Variants in HYDIN observed in about 807,000 individuals in gnomAD.
HYDIN encodes HYDIN axonemal central pair apparatus protein, also known as axonemal central pair apparatus protein HYDIN.
In HYDIN, 132 loss-of-function variants were observed where a neutral mutation model predicts 403.9. That is an observed-to-expected ratio of 0.33 (90% CI 0.28 to 0.38). The LOEUF (loss-of-function observed/expected upper bound fraction) is 0.38. HYDIN is among the 10% of genes least tolerant of loss of function. The probability of loss-of-function intolerance (pLI) is 1.00; values close to 1 mark genes in which losing one functional copy is unlikely to be tolerated. For synonymous variants in HYDIN, 1,202 were observed against 1,891.7 expected (o/e 0.64, Z 9.46); for missense variants, 2,827 against 5,009.5 (o/e 0.56, Z 13.15).
chr16:71,129,809 A>G lies in HYDIN; in HGVS notation c.1058T>C (p.Leu353Pro). 1 of 1,609,990 alleles carries G rather than the reference A, an allele frequency of 6.2e-7. No homozygotes were observed. The highest frequency in any genetic ancestry group is 1.1e-5 in the South Asian group (1 of 90,334). ...DREKYRACDD[L>P]IKEEKDETDE... ...AGTCTCATCCTTCTCCTCTTTGATC[A>G]GATCATCACAGGCCCTAAAGAAAAC... The change falls in exon 9 of 86, where the codon CTG (leucine) becomes CCG (proline). Residue 353 changes from leucine (L) to proline (P), a missense_variant. Transcript: ENST00000393567.
intron 41 of HYDIN, among the ~76,000 whole-genome samples, chr16:70,944,314 AAG>A (rs2077780825): frequency 1.3e-5 from 2 of 152,230 alleles, no homozygotes; most frequent in Admixed American, 6.5e-5. Context: ...ATTCCAATGG[AAG>A]AGAGAGAAAA....
chr16:70,947,844 G>C (rs1337254332), intron 41 of HYDIN, among the ~76,000 whole-genome samples: 5 of 151,438 alleles, frequency 3.3e-5, no homozygotes, highest in Non-Finnish European at 7.4e-5. Context: ...ATGCTCATGG[G>C]TAGGAAGAAT....
chr16:71,058,922 T>G (rs961977524), intron 18 of HYDIN, among the ~76,000 whole-genome samples: 1 of 152,176 alleles, frequency 6.6e-6, no homozygotes, highest in Non-Finnish European at 1.5e-5. Context: ...TTACCTGCAC[T>G]TAATAACTAA....
intron 13 of HYDIN, among the ~76,000 whole-genome samples, chr16:71,077,299 C>T (rs1276177265): frequency 1.3e-5 from 2 of 151,162 alleles, no homozygotes; most frequent in African/African-American, 2.4e-5. Context: ...AATTTTTCCC[C>T]AGGGAATTAA....
chr16:71,065,172 T>C (rs927247911), intron 15 of HYDIN, among the ~76,000 whole-genome samples: 11 of 152,244 alleles, frequency 7.2e-5, no homozygotes, highest in Non-Finnish European at 1.2e-4. Context: ...TCTGTTTCCA[T>C]GCCAAACAGG....
At chr16:70,949,296 T>G (rs2077984389) in intron 41 of HYDIN, among the ~76,000 whole-genome samples, 1 of 105,450 alleles carries the variant, frequency 9.5e-6, no homozygotes, top group African/African-American at 4.0e-5. Flanking sequence ...CATCACACTC[T>G]GGGGACTGTT....
intron 40 of HYDIN, among the ~76,000 whole-genome samples, chr16:70,954,617 G>T (rs1252130096): frequency 6.6e-6 from 1 of 152,120 alleles, no homozygotes; most frequent in Non-Finnish European, 1.5e-5. Context: ...AGCTGGGCGT[G>T]GCCATCTTGA....
intron 22 of HYDIN, among the ~76,000 whole-genome samples, chr16:71,019,894 A>G (rs1470148116): frequency 6.6e-6 from 1 of 152,302 alleles, no homozygotes; most frequent in Admixed American, 6.5e-5. Context: ...TACAAGGGAT[A>G]TTAATTCCTA....
chr16:71,037,168 T>C (rs1395205167), intron 18 of HYDIN, among the ~76,000 whole-genome samples: 5 of 149,972 alleles, frequency 3.3e-5, no homozygotes, highest in Admixed American at 3.3e-4. Context: ...GACTGTACCT[T>C]CCATATAGAG....
chr16:70,984,878 G>A (rs2079143045), intron 28 of HYDIN, among the ~76,000 whole-genome samples: 1 of 151,260 alleles, frequency 6.6e-6, no homozygotes, highest in East Asian at 2.0e-4. Context: ...GGAATTACAA[G>A]GGCAGCGTGA....
chr16:71,139,278 G>A (rs576882891), intron 7 of HYDIN, among the ~76,000 whole-genome samples: 1 of 151,822 alleles, frequency 6.6e-6, no homozygotes, highest in Non-Finnish European at 1.5e-5. Context: ...CAATTTTTTG[G>A]GGGGGGAAAG....
chr16:71,049,570 G>C (rs1483652895), intron 18 of HYDIN, among the ~76,000 whole-genome samples: 1 of 152,216 alleles, frequency 6.6e-6, no homozygotes. Flanking sequence ...CTCCATATCA[G>C]ATTGATTTAT....
chr16:70,985,884 T>C (rs2079176713), intron 27 of HYDIN, among the ~76,000 whole-genome samples: 1 of 123,866 alleles, frequency 8.1e-6, no homozygotes. Context: ...ATGTTCTCAC[T>C]CATAGGTGGG....
Position 70,942,026 on chromosome 16 carries a change from T to C in HYDIN, c.6670-207A>G, listed in dbSNP as rs1462587079. On this transcript the variant is annotated intron_variant, in intron 42 of 85. Transcript: ENST00000393567. ...ATCAGCCAGTCTTTTTTTTTTTTTT[T>C]TTTTTTTTGAGACAGAGTCTCCCTC... Among the ~76,000 whole-genome samples the C allele has an allele frequency of 2.1e-5, 3 of 144,710 alleles. No individual in the cohort carries two copies. The East Asian group carries it at 6.0e-4, about 29-fold the overall frequency. The allele number at this position is 144,710 out of a possible 152,430, so 94.9% of individuals were successfully genotyped here.
At chr16:70,977,809 AC>A (rs2144005498) in intron 30 of HYDIN, among the ~76,000 whole-genome samples, 1 of 151,058 alleles carries the variant, frequency 6.6e-6, no homozygotes, top group East Asian at 2.0e-4. Context: ...CTTGGCTCCC[AC>A]CTCTGTGGCA....
chr16:70,837,670 G>T lies in HYDIN; in HGVS notation c.13242+20C>A, dbSNP rs769098228. The T allele has an allele frequency of 6.2e-6, 10 of 1,613,494 alleles. No homozygotes were observed. Among genetic ancestry groups the T allele is most frequent in the Non-Finnish European group, 8.5e-7 (1 of 1,179,734 alleles). ...AGAAAGGAGGGTGCCACGCCTGAAG[G>T]CCTCCCGACTGTCTGTTACCTTCAT... On this transcript the variant is annotated intron_variant, in intron 77 of 85. Coordinates refer to ENST00000393567, the MANE Select transcript of HYDIN (RefSeq NM_001270974.2).
At chr16:71,134,692 T>C (rs1289736493) in intron 8 of HYDIN, among the ~76,000 whole-genome samples, 2 of 152,164 alleles carry the variant, frequency 1.3e-5, no homozygotes, top group Non-Finnish European at 2.9e-5. Flanking sequence ...AGGAGTTAAA[T>C]GTTTAGTAAA....
At chr16:70,891,192 A>T (rs12149903) in intron 57 of HYDIN, among the ~76,000 whole-genome samples, 68 of 152,204 alleles carry the variant, frequency 4.5e-4, no homozygotes, top group African/African-American at 1.5e-3. Flanking sequence ...AAATTTTTTT[A>T]TTTTTTATTT....
chr16:71,153,198 A>G (rs1303567062), intron 6 of HYDIN, among the ~76,000 whole-genome samples: 1 of 152,174 alleles, frequency 6.6e-6, no homozygotes, highest in African/African-American at 2.4e-5. Flanking sequence ...TTTTCAAAAG[A>G]ACAGTGCCTT....
Sources: gnomAD v4.1 joint callset for allele counts (sites outside exome capture counted in the v4.1 genomes callset) on GRCh38, gnomAD v4.1.1 for gene constraint, MANE v1.5 for transcripts, NCBI Gene and HGNC (gene_info 2026-07-23, HGNC 2026-07-21) for gene names.